The following MORC2 variants were observed in gnomAD, a reference collection of about 807,000 sequenced individuals.
MORC2 encodes the protein ATPase MORC2.
A neutral mutation model predicts 136.0 loss-of-function variants in MORC2; 30 were observed. The ratio of observed to expected loss-of-function variants is 0.22; its 90% confidence interval spans 0.17 to 0.30. MORC2 has a LOEUF of 0.30. Among genes scored for constraint, MORC2 ranks in the 10% least tolerant of loss-of-function variants. MORC2 has a pLI of 1.00. For missense variants in MORC2, 922 were observed against 1,333.1 expected, an observed-to-expected ratio of 0.69 and a Z score of 4.80; for synonymous variants, 439 against 487.0, an observed-to-expected ratio of 0.90 and a Z score of 1.30.
At chr22:30,957,260 C>T (rs1011573645) in intron 2 of MORC2, among the ~76,000 whole-genome samples, 5 of 152,190 alleles carry the variant, frequency 3.3e-5, no homozygotes, top group African/African-American at 7.2e-5. Context: ...AATCACTTCT[C>T]GTGGTATACA....
rs114087139 is a variant in MORC2, at chr22:30,964,695, C to T, written c.68+3127G>A. Among the ~76,000 whole-genome samples the T allele has an allele frequency of 6.6e-3, 1,000 of 152,282 alleles. 19 individuals carry two copies. Among genetic ancestry groups the T allele is most frequent in the African/African-American group, 0.023 (945 of 41,540 alleles). ...TTAACTGAAGACTTTCAGGTTATCA[C>T]GAGAATTTATTTCCCAGGCCTGCTG... On this transcript the variant is annotated intron_variant, in intron 1 of 25. Coordinates refer to ENST00000397641, the MANE Select transcript of MORC2 (RefSeq NM_001303256.3).
intron 5 of MORC2, among the ~76,000 whole-genome samples, chr22:30,948,777 T>A (rs934743094): frequency 6.6e-6 from 1 of 152,200 alleles, no homozygotes; most frequent in African/African-American, 2.4e-5. Flanking sequence ...TAATAGTACC[T>A]ACAACCTCAC....
intron 6 of MORC2, among the ~76,000 whole-genome samples, chr22:30,945,616 C>T (rs578174761): frequency 6.6e-6 from 1 of 152,296 alleles, no homozygotes; most frequent in South Asian, 2.1e-4. Context: ...GGGCATAGAC[C>T]TCACCAGAAA....
chr22:30,942,263 G>A lies in MORC2; in HGVS notation c.435C>T (p.Val145=). ...HEEEGIDEVI[V]PLPTWNARTR... ...TCCGAGCATTCCAGGTGGGCAGTGG[G>A]ACTATCACCTGTGGAGTAAACATGA... Residue 145 remains valine (V), a synonymous_variant, in exon 7 of 26, where the codon GTC becomes GTT. Transcript: ENST00000397641. The A allele has an allele frequency of 6.2e-7, 1 of 1,610,606 alleles. No homozygotes were observed. Among genetic ancestry groups the A allele is most frequent in the Non-Finnish European group, 8.5e-7 (1 of 1,179,744 alleles).
At chr22:30,940,132 G>T in intron 10 of MORC2, 91 bp from the exon 11 acceptor site, 1 of 1,274,256 alleles carries the variant, frequency 7.8e-7, no homozygotes, top group Non-Finnish European at 1.1e-6. Context: ...CACGAAGTGT[G>T]TACACCACCA....
At chr22:30,957,619 C>CA (rs142742233) in intron 2 of MORC2, among the ~76,000 whole-genome samples, 19 of 152,182 alleles carry the variant, frequency 1.2e-4, no homozygotes, top group Non-Finnish European at 2.1e-4. Flanking sequence ...ATATGATACA[C>CA]AAAAAAAGCA....
At position 30,937,300 on chromosome 22, in the gene MORC2, C is replaced by T. The variant is rs1261984234; in HGVS notation, c.1499-263G>A. On this transcript the variant is annotated intron_variant, in intron 15 of 25. Transcript: ENST00000397641. This position sits in a 1 kb window ranked among gnomAD's most constrained non-coding sequence, Gnocchi z 4.7. ...ATCAAGATCCTGGCTCAGTCATCCA[C>T]GCACACCAGAAACCATGTGGTACCA... Among the ~76,000 whole-genome samples the T allele has an allele frequency of 2.6e-5, 4 of 152,164 alleles. No individual in the cohort carries two copies. The highest frequency in any genetic ancestry group is 1.9e-4 in the East Asian group (1 of 5,198).
Position 30,926,781 on chromosome 22 carries a change from G to T in MORC2, c.*22C>A, listed in dbSNP as rs1205965488. 5 of 1,604,084 alleles carry T rather than the reference G, an allele frequency of 3.1e-6. No individual in the cohort carries two copies. Among genetic ancestry groups the T allele is most frequent in the Non-Finnish European group, 4.3e-6 (5 of 1,172,234 alleles). ...CAGGGTTGAGGGGCAGGTGGGCAGGGGAGCTGCTCTCTCTCCTGCCTTCAG... is the reference window on the plus strand; with the variant it reads ...CAGGGTTGAGGGGCAGGTGGGCAGGTGAGCTGCTCTCTCTCCTGCCTTCAG... On this transcript the variant is annotated 3_prime_UTR_variant, in exon 26 of 26. Coordinates refer to ENST00000397641, the MANE Select transcript of MORC2 (RefSeq NM_001303256.3).
chr22:30,941,890 C>T lies in MORC2; in HGVS notation c.698+1G>A, dbSNP rs2147266327. On this transcript the variant is annotated splice_donor_variant, in intron 8 of 25. Transcript: ENST00000397641. LOFTEE classifies it high-confidence loss of function. This position sits in a 1 kb window ranked among gnomAD's most constrained non-coding sequence, Gnocchi z 4.6. ...CTCCCTCCCTTCCCAGCCACACTCACGTGCCCTCTGGGGACGTCTCTGCCA... is the reference window on the plus strand; with the variant it reads ...CTCCCTCCCTTCCCAGCCACACTCATGTGCCCTCTGGGGACGTCTCTGCCA... 2 of 1,604,598 alleles carry T rather than the reference C, an allele frequency of 1.2e-6. No individual in the cohort carries two copies. Among genetic ancestry groups the T allele is most frequent in the Admixed American group, 1.7e-5 (1 of 60,022 alleles).
intron 21 of MORC2, 27 bp downstream of exon 21, chr22:30,933,439 G>A: frequency 1.2e-6 from 2 of 1,611,994 alleles, no homozygotes; most frequent in Non-Finnish European, 1.7e-6. Context: ...CCCCGCCACA[G>A]GCTGCCAAGT....
chr22:30,967,646 A>G (rs1602522017), intron 1 of MORC2, 176 bp downstream of exon 1: 1 of 1,391,920 alleles, frequency 7.2e-7, no homozygotes, highest in Non-Finnish European at 9.3e-7. Flanking sequence ...ATTAGCAACA[A>G]GTATTTCACT....
intron 5 of MORC2, among the ~76,000 whole-genome samples, chr22:30,948,824 G>A (rs2040852256): frequency 6.6e-6 from 1 of 152,194 alleles, no homozygotes; most frequent in Non-Finnish European, 1.5e-5. Flanking sequence ...TTATTCGTGT[G>A]CCTGGCACAT....
In MORC2 at chr22:30,941,674, T is replaced by C. The variant is rs1048876739; in HGVS notation, c.699-116A>G. On this transcript the variant is annotated intron_variant, in intron 8 of 25. Coordinates refer to ENST00000397641, the MANE Select transcript of MORC2 (RefSeq NM_001303256.3). The surrounding 1 kb of genome is among the most constrained non-coding windows in gnomAD (Gnocchi z 4.6). ...TTCCATGTTAGGTACTGACTTCTGCTGCTGCCCTGAACTGGTGCTCCCTTA... is the reference window on the plus strand; with the variant it reads ...TTCCATGTTAGGTACTGACTTCTGCCGCTGCCCTGAACTGGTGCTCCCTTA... The C allele has an allele frequency of 3.5e-6, 5 of 1,420,172 alleles. No homozygotes were observed. The Admixed American group carries it at 1.0e-4, about 30-fold the overall frequency. The allele number at this position is 1,420,172 out of a possible 1,614,324, so 88.0% of individuals were successfully genotyped here. A position where few individuals can be genotyped will look rare whatever the true frequency, so the allele number is the denominator to read the frequency against.
chr22:30,931,525 C>T (rs1489214027), intron 24 of MORC2, among the ~76,000 whole-genome samples: 1 of 152,204 alleles, frequency 6.6e-6, no homozygotes, highest in Non-Finnish European at 1.5e-5. Flanking sequence ...GGATTCAAGA[C>T]ACATCAGATC....
At chr22:30,962,080 C>A (rs928069006) in intron 1 of MORC2, among the ~76,000 whole-genome samples, 4 of 151,898 alleles carry the variant, frequency 2.6e-5, no homozygotes, top group Admixed American at 2.6e-4. Context: ...CACCTGTAAT[C>A]CTAACTACTT....
At chr22:30,950,353 C>CCCAAAAA in intron 4 of MORC2, 24 bp downstream of exon 4, 6 of 1,481,934 alleles carry the variant, frequency 4.0e-6, no homozygotes, top group Non-Finnish European at 5.6e-6. Context: ...CCCCACCCCC[C>CCCAAAAA]AAAACAATAA....
chr22:30,950,476 C>T (rs2040872362), intron 3 of MORC2, 31 bp from the exon 4 acceptor site: 3 of 1,605,492 alleles, frequency 1.9e-6, no homozygotes, highest in South Asian at 1.1e-5. Flanking sequence ...ATTACTGGGC[C>T]GTTACCCACC....
intron 5 of MORC2, among the ~76,000 whole-genome samples, chr22:30,948,101 C>A (rs2040844032): frequency 6.6e-6 from 1 of 152,218 alleles, no homozygotes; most frequent in Admixed American, 6.5e-5. Flanking sequence ...CTTTCAGAGT[C>A]ACATTTCATT....
At chr22:30,943,399 TA>T (rs1033007514) in intron 6 of MORC2, among the ~76,000 whole-genome samples, 1 of 152,252 alleles carries the variant, frequency 6.6e-6, no homozygotes, top group African/African-American at 2.4e-5. Flanking sequence ...GTGTTGCCTT[TA>T]AAATTGTCCT....
Sources: allele counts gnomAD v4.1 joint callset (sites outside exome capture counted in the v4.1 genomes callset), GRCh38; gene constraint gnomAD v4.1.1; non-coding constraint Gnocchi (gnomAD v3.1); transcripts MANE v1.5; gene names NCBI Gene and HGNC (gene_info 2026-07-23, HGNC 2026-07-21).